PTPRD: variants seen among roughly 807,000 people sequenced by gnomAD.
The protein encoded by PTPRD is receptor-type tyrosine-protein phosphatase delta.
Under a neutral mutation model 214.5 loss-of-function variants are expected in PTPRD, and 34 were observed. The ratio of observed to expected loss-of-function variants is 0.16; its 90% CI spans 0.12 to 0.21. PTPRD has a LOEUF of 0.21. Among genes scored for constraint, PTPRD ranks in the 10% least tolerant of loss-of-function variants. The pLI is 1.00. For synonymous variants in PTPRD, 1,128 were observed against 845.7 expected (o/e 1.33, Z -5.79); for missense variants, 2,545 against 2,398.7 (o/e 1.06, Z -1.27).
chr9:9,823,170 A>T (rs181885726), intron 5 of PTPRD, among the ~76,000 whole-genome samples: 2 of 152,268 alleles, frequency 1.3e-5, no homozygotes, highest in African/African-American at 4.8e-5. Flanking sequence ...TGGGTAATTT[A>T]TAAAGAAAAG....
chr9:8,575,255 C>G (rs540502286), intron 14 of PTPRD, among the ~76,000 whole-genome samples: 1 of 151,960 alleles, frequency 6.6e-6, no homozygotes, highest in Non-Finnish European at 1.5e-5. Context: ...AGGAAAAAGG[C>G]GATTATATAT....
At chr9:9,401,329 A>T (rs924796773) in intron 8 of PTPRD, among the ~76,000 whole-genome samples, 1 of 152,028 alleles carries the variant, frequency 6.6e-6, no homozygotes, top group African/African-American at 2.4e-5. Flanking sequence ...TAATCAGAGA[A>T]ATCCCCCTCT....
At chr9:9,343,347 T>C (rs1462051338) in intron 9 of PTPRD, among the ~76,000 whole-genome samples, 2 of 152,184 alleles carry the variant, frequency 1.3e-5, no homozygotes, top group African/African-American at 4.8e-5. Flanking sequence ...CCCAACAGTG[T>C]AAAAGTGTTC....
chr9:10,146,251 A>C (rs982644134), intron 3 of PTPRD, among the ~76,000 whole-genome samples: 1 of 146,836 alleles, frequency 6.8e-6, no homozygotes, highest in African/African-American at 2.5e-5. Flanking sequence ...ATGCATACAT[A>C]CATACATATA....
At chr9:10,142,162 A>C (rs1248539497) in intron 3 of PTPRD, among the ~76,000 whole-genome samples, 1 of 152,162 alleles carries the variant, frequency 6.6e-6, no homozygotes, top group South Asian at 2.1e-4. Context: ...ACCTAAAACC[A>C]TAAAAACCCT....
chr9:8,881,495 T>C (rs2098445651), intron 11 of PTPRD, among the ~76,000 whole-genome samples: 1 of 152,242 alleles, frequency 6.6e-6, no homozygotes, highest in Admixed American at 6.5e-5. Context: ...ATACAGTTAG[T>C]TCTTTCTGTA....
intron 11 of PTPRD, among the ~76,000 whole-genome samples, chr9:8,974,149 TA>T (rs2099255085): frequency 6.6e-6 from 1 of 152,112 alleles, no homozygotes; most frequent in Non-Finnish European, 1.5e-5. Context: ...GGGTATTTCC[TA>T]GGTTTTCCTT....
Position 8,329,935 on chromosome 9 carries a change from CGT to C in PTPRD, c.5534+1645_5534+1646del, listed in dbSNP as rs1563973506. On this transcript the variant is annotated intron_variant, in intron 44 of 45. Coordinates refer to ENST00000381196, the MANE Select transcript of PTPRD (RefSeq NM_002839.4). ...CAGTGAGATTTTCAAGCCAGTGGAT[CGT>C]ATCTTGCTGGGCTCTGTGGGAGTGG... 5.7e-3 allele frequency among the ~76,000 whole-genome samples: 315 copies of C among 55,554 alleles called. 1 individual carries two copies. In the African/African-American group the frequency reaches 0.13, roughly 23 times the overall value. 36.4% of individuals were successfully genotyped at this position (55,554 alleles called of 152,430 possible).
At chr9:8,684,991 G>C (rs1406937678) in intron 12 of PTPRD, among the ~76,000 whole-genome samples, 2 of 152,114 alleles carry the variant, frequency 1.3e-5, no homozygotes, top group African/African-American at 4.8e-5. Flanking sequence ...TTCTGCACCT[G>C]TAAAGATGCT....
Position 8,925,768 on chromosome 9 carries a change from CCT to C in PTPRD, c.-104+92927_-104+92928del, listed in dbSNP as rs762737963. Reference sequence around the variant, plus strand: ...AAACACCTCTTGTCTCCTTTCTCCCCCTGACACTCACTGTTAGAGAACTGCTG... The same window carrying C: ...AAACACCTCTTGTCTCCTTTCTCCCCGACACTCACTGTTAGAGAACTGCTG... On this transcript the variant is annotated intron_variant, in intron 11 of 45. Transcript: ENST00000381196. Among the ~76,000 whole-genome samples, 17 of 151,690 alleles carry C rather than the reference CCT, an allele frequency of 1.1e-4. No individual in the cohort carries two copies. In the East Asian group the frequency reaches 1.2e-3, roughly 10 times the overall value.
chr9:10,300,785 C>A (rs914223041), intron 3 of PTPRD, among the ~76,000 whole-genome samples: 8 of 152,042 alleles, frequency 5.3e-5, no homozygotes, highest in East Asian at 1.9e-4. Flanking sequence ...ATAGATAAGA[C>A]CCCCATCTCC....
In PTPRD at chr9:9,742,390, A is replaced by C. The variant is rs62534712; in HGVS notation, c.-325-7819T>G. 3.4e-3 allele frequency among the ~76,000 whole-genome samples: 522 copies of C among 152,332 alleles called. 2 individuals are homozygous for C. The highest frequency in any genetic ancestry group is 0.013 in the Admixed American group (202 of 15,302). ...CTTCACTTTCACCTTTCGTAGAGAAATGTATGCAGAATACTCAAATTAGAA... is the reference window on the plus strand; with the variant it reads ...CTTCACTTTCACCTTTCGTAGAGAACTGTATGCAGAATACTCAAATTAGAA... On this transcript the variant is annotated intron_variant, in intron 6 of 45. Coordinates refer to ENST00000381196, the MANE Select transcript of PTPRD (RefSeq NM_002839.4).
intron 3 of PTPRD, among the ~76,000 whole-genome samples, chr9:10,306,291 G>A (rs911566601): frequency 1.3e-5 from 2 of 151,584 alleles, no homozygotes; most frequent in African/African-American, 4.8e-5. Context: ...GGGGGCTAGG[G>A]GAGGGATAGC....
chr9:9,490,667 G>C (rs1025855432), intron 8 of PTPRD, among the ~76,000 whole-genome samples: 4 of 151,898 alleles, frequency 2.6e-5, no homozygotes, highest in South Asian at 2.1e-4. Context: ...AAATTAGAGT[G>C]TTATAAATTC....
At chr9:8,903,895 C>A (rs1322690202) in intron 11 of PTPRD, among the ~76,000 whole-genome samples, 1 of 152,110 alleles carries the variant, frequency 6.6e-6, no homozygotes, top group Non-Finnish European at 1.5e-5. Flanking sequence ...TTATATCCCT[C>A]CAATTTATTT....
chr9:9,577,158 T>C (rs1020269214), intron 7 of PTPRD, among the ~76,000 whole-genome samples: 79 of 152,248 alleles, frequency 5.2e-4, no homozygotes, highest in African/African-American at 1.8e-3. Context: ...CCAAATCAGA[T>C]AGGTAATTTT....
intron 8 of PTPRD, among the ~76,000 whole-genome samples, chr9:9,421,721 A>G (rs1034801903): frequency 6.6e-6 from 1 of 152,104 alleles, no homozygotes; most frequent in South Asian, 2.1e-4. Flanking sequence ...TTCATGCAAT[A>G]CAGTCAGCTG....
At chr9:9,502,526 A>T (rs1339629864) in intron 8 of PTPRD, among the ~76,000 whole-genome samples, 1 of 151,934 alleles carries the variant, frequency 6.6e-6, no homozygotes, top group Non-Finnish European at 1.5e-5. Context: ...TCTTTGGACT[A>T]ATACTTTCTT....
rs1259083657 is a variant in PTPRD at position 9,913,420 on chromosome 9, T to C, written c.-368+25087A>G. 7.3e-5 allele frequency among the ~76,000 whole-genome samples: 11 copies of C among 149,750 alleles called. 1 individual carries two copies. Reference sequence around the variant, plus strand: ...ATAGGGAAAAAAAAACAAAACAGAGTGATCTCATCAAGATGGCTGACTACA... The same window carrying C: ...ATAGGGAAAAAAAAACAAAACAGAGCGATCTCATCAAGATGGCTGACTACA... On this transcript the variant is annotated intron_variant, in intron 5 of 45. Transcript: ENST00000381196.
Sources: allele counts gnomAD v4.1 joint callset (sites outside exome capture counted in the v4.1 genomes callset), GRCh38; gene constraint gnomAD v4.1.1; transcripts MANE v1.5; gene names NCBI Gene and HGNC (gene_info 2026-07-23, HGNC 2026-07-21).